BTBD9: variants seen among roughly 807,000 people sequenced by gnomAD.
BTBD9 encodes BTB/POZ domain-containing protein 9.
Under a neutral mutation model 64.3 loss-of-function variants are expected in BTBD9, and 49 were observed. The observed-to-expected ratio is 0.76, with a 90% confidence interval of 0.61 to 0.97. The LOEUF (loss-of-function observed/expected upper bound fraction) is 0.97. Ranked by LOEUF, BTBD9 falls within the 50% of genes least tolerant of loss-of-function variation. BTBD9 has a pLI of 0.00. For synonymous variants in BTBD9, 260 were observed against 274.7 expected, an observed-to-expected ratio of 0.95 and a Z score of 0.53; for missense variants, 598 against 762.1, an observed-to-expected ratio of 0.78 and a Z score of 2.53.
intron 6 of BTBD9, among the ~76,000 whole-genome samples, chr6:38,552,256 T>C (rs547786168): frequency 6.6e-6 from 1 of 152,338 alleles, no homozygotes; most frequent in East Asian, 1.9e-4. Context: ...TCGGAAGCAG[T>C]GTCCAGCATA....
At chr6:38,364,089 T>C (rs1361466312) in intron 6 of BTBD9, among the ~76,000 whole-genome samples, 1 of 151,898 alleles carries the variant, frequency 6.6e-6, no homozygotes, top group Non-Finnish European at 1.5e-5. Context: ...TTAGAGAAAA[T>C]GCAATGGAGC....
chr6:38,200,138 G>A (rs1455723959), intron 9 of BTBD9, among the ~76,000 whole-genome samples: 1 of 152,182 alleles, frequency 6.6e-6, no homozygotes, highest in African/African-American at 2.4e-5. Flanking sequence ...CAGGGGCTGA[G>A]GTATGAGCAC....
chr6:38,487,592 CGAGAGAGAGAGAGA>C (rs70981555), intron 6 of BTBD9, among the ~76,000 whole-genome samples: 44 of 122,728 alleles, frequency 3.6e-4, no homozygotes, highest in East Asian at 9.7e-4. Flanking sequence ...AGAGAGTCAG[CGAGAGAGAGAGAGA>C]GAGAGAGAGA....
At chr6:38,550,315 CT>C (rs1562327792) in intron 6 of BTBD9, among the ~76,000 whole-genome samples, 3 of 106,820 alleles carry the variant, frequency 2.8e-5, no homozygotes, top group African/African-American at 4.4e-5. Flanking sequence ...TTTTCTTTTT[CT>C]TTTTTCTTTT....
At chr6:38,562,387 C>T (rs1775301276) in intron 6 of BTBD9, among the ~76,000 whole-genome samples, 2 of 152,146 alleles carry the variant, frequency 1.3e-5, no homozygotes, top group Non-Finnish European at 2.9e-5. Flanking sequence ...ACCTTCATGG[C>T]GAAGTTTCTC....
intron 6 of BTBD9, among the ~76,000 whole-genome samples, chr6:38,382,341 T>C (rs1765971687): frequency 6.6e-6 from 1 of 151,750 alleles, no homozygotes; most frequent in African/African-American, 2.4e-5. Context: ...AGCTCAAGAG[T>C]TTGCCTTTGT....
intron 6 of BTBD9, among the ~76,000 whole-genome samples, chr6:38,417,625 T>C (rs1447250163): frequency 2.0e-5 from 3 of 151,880 alleles, no homozygotes; most frequent in Admixed American, 6.6e-5. Context: ...AATACAAAAA[T>C]AAGCTGGGCA....
At chr6:38,491,476 T>C (rs1381142661) in intron 6 of BTBD9, among the ~76,000 whole-genome samples, 1 of 152,216 alleles carries the variant, frequency 6.6e-6, no homozygotes, top group African/African-American at 2.4e-5. Context: ...TTTTCTTGCA[T>C]AAATTAAGTA....
intron 7 of BTBD9, among the ~76,000 whole-genome samples, chr6:38,315,613 T>C (rs139302175): frequency 5.9e-5 from 9 of 152,348 alleles, no homozygotes; most frequent in Non-Finnish European, 1.2e-4. Context: ...TGTGTTTGGA[T>C]AGTTTCCAAA....
chr6:38,582,115 A>C (rs565459792), intron 4 of BTBD9, among the ~76,000 whole-genome samples: 8 of 152,336 alleles, frequency 5.3e-5, no homozygotes, highest in Non-Finnish European at 1.2e-4. Context: ...CCAGAAAAGA[A>C]CAATATATTG....
intron 6 of BTBD9, among the ~76,000 whole-genome samples, chr6:38,496,479 CA>C (rs549659852): frequency 7.5e-5 from 11 of 146,838 alleles, no homozygotes; most frequent in East Asian, 3.9e-4. Flanking sequence ...TCTGTCACTA[CA>C]AAAAAAAAAT....
At chr6:38,275,233 A>C (rs1444588697) in intron 8 of BTBD9, among the ~76,000 whole-genome samples, 2 of 151,818 alleles carry the variant, frequency 1.3e-5, no homozygotes, top group Non-Finnish European at 2.9e-5. Context: ...ACCTGACAAA[A>C]ACAAGCAATG....
intron 7 of BTBD9, among the ~76,000 whole-genome samples, chr6:38,309,648 T>C (rs1255350056): frequency 6.6e-6 from 1 of 151,876 alleles, no homozygotes; most frequent in Non-Finnish European, 1.5e-5. Flanking sequence ...CCTGACCTCA[T>C]GATCTGCCCT....
At position 38,569,280 on chromosome 6, in the gene BTBD9, T is replaced by C. The variant is rs1438937328; in HGVS notation, c.1154+8320A>G. ...CATCTTTTTATGTCTGGCACCTAAA[T>C]GAGGTGCCTACAATATAGCACGTGT... On this transcript the variant is annotated intron_variant, in intron 6 of 10. Transcript: ENST00000481247. Among the ~76,000 whole-genome samples, 7 of 152,228 alleles carry C rather than the reference T, an allele frequency of 4.6e-5. No homozygotes were observed. The South Asian group carries it at 1.2e-3, about 27-fold the overall frequency.
At chr6:38,191,026 A>G (rs73423579) in intron 10 of BTBD9, among the ~76,000 whole-genome samples, 7,027 of 152,296 alleles carry the variant, frequency 0.046, 523 homozygotes, top group African/African-American at 0.16. Flanking sequence ...AGTTAATTCG[A>G]TTTCAATATG....
Position 38,211,346 on chromosome 6 carries a change from G to A in BTBD9, c.1563-18749C>T, listed in dbSNP as rs562669880. On this transcript the variant is annotated intron_variant, in intron 9 of 10. Coordinates refer to ENST00000481247, the MANE Select transcript of BTBD9 (RefSeq NM_001099272.2). ...CAGGAGGCTGAGGCAGGAGAATGGC[G>A]TGAACCTGGGAGGCAGAGCTTGCAG... is the stretch of plus-strand genomic sequence containing the variant. 1.6e-3 allele frequency among the ~76,000 whole-genome samples: 239 copies of A among 151,634 alleles called. 2 individuals are homozygous for A. The highest frequency in any genetic ancestry group is 2.6e-3 in the Non-Finnish European group (178 of 67,890).
rs957132581 is a variant in BTBD9 at position 38,290,750 on chromosome 6, T to C, written c.1265-2289A>G. On this transcript the variant is annotated intron_variant, in intron 7 of 10. Transcript: ENST00000481247. ...TACATATTTCATTGTCTAAGTCACA[T>C]GGTCTTATCTAACTTCAGAGGGGAC... is the stretch of plus-strand genomic sequence containing the variant. Among the ~76,000 whole-genome samples, 13 of 152,294 alleles carry C rather than the reference T, an allele frequency of 8.5e-5. No individual in the cohort carries two copies. The South Asian group carries it at 1.0e-3, about 12-fold the overall frequency.
chr6:38,298,060 T>A (rs35598910), intron 7 of BTBD9, among the ~76,000 whole-genome samples: 186 of 151,982 alleles, frequency 1.2e-3, no homozygotes, highest in Non-Finnish European at 2.3e-3. Context: ...TTTCACCATG[T>A]TAGCCAGGAT....
At chr6:38,226,143 T>C (rs1225614784) in intron 9 of BTBD9, among the ~76,000 whole-genome samples, 2 of 152,146 alleles carry the variant, frequency 1.3e-5, no homozygotes, top group Admixed American at 6.5e-5. Flanking sequence ...GCTCCATCCA[T>C]AGGAATGTTA....
Sources: allele counts gnomAD v4.1 joint callset (sites outside exome capture counted in the v4.1 genomes callset), GRCh38; gene constraint gnomAD v4.1.1; transcripts MANE v1.5; gene names NCBI Gene and HGNC (gene_info 2026-07-23, HGNC 2026-07-21).